The following FSD1L variants were observed in gnomAD, a reference collection of about 807,000 sequenced individuals.
The protein encoded by FSD1L is fibronectin type III and SPRY domain containing 1 like, also known as FSD1-like protein.
Under a neutral mutation model 71.6 loss-of-function variants are expected in FSD1L, and 45 were observed. The ratio of observed to expected loss-of-function variants is 0.63; its 90% CI spans 0.49 to 0.81. The LOEUF (loss-of-function observed/expected upper bound fraction) is 0.81, where lower values mean the gene tolerates loss of function less well. FSD1L is among the 30% of genes least tolerant of loss of function. The probability of loss-of-function intolerance (pLI) is 0.00; values close to 1 mark genes in which losing one functional copy is unlikely to be tolerated. For synonymous variants in FSD1L, 197 were observed against 207.2 expected, an observed-to-expected ratio of 0.95 and a Z score of 0.42; for missense variants, 561 against 618.1, an observed-to-expected ratio of 0.91 and a Z score of 0.98.
intron 5 of FSD1L, among the ~76,000 whole-genome samples, chr9:105,477,192 C>T (rs768721026): frequency 1.2e-4 from 18 of 152,024 alleles, no homozygotes; most frequent in East Asian, 1.9e-4. Context: ...GTTTAAAAAA[C>T]GGTAATCGTC....
intron 3 of FSD1L, among the ~76,000 whole-genome samples, chr9:105,465,053 T>C (rs947403170): frequency 1.3e-4 from 19 of 151,970 alleles, no homozygotes; most frequent in African/African-American, 3.4e-4. Flanking sequence ...AAATAAAAGG[T>C]AAAGTGCCCA....
At position 105,547,317 on chromosome 9, in the gene FSD1L, A is replaced by T. The variant is rs1223191167; in HGVS notation, c.*834A>T. 6.6e-6 allele frequency: 1 copy of T among 152,362 alleles called. No homozygotes were observed. The highest frequency in any genetic ancestry group is 1.5e-5 in the Non-Finnish European group (1 of 67,910). The allele number at this position is 152,362 out of a possible 1,614,324, so 9.4% of individuals were successfully genotyped here. A position where few individuals can be genotyped will look rare whatever the true frequency, so the allele number is the denominator to read the frequency against. ...TGTGTTTGGTAAAATTCCCACTTGA[A>T]TGTGACACTGATAATAATTATGCTG... On this transcript the variant is annotated 3_prime_UTR_variant, in exon 14 of 14. Transcript: ENST00000481272.
chr9:105,507,641 T>C (rs1183981954), intron 8 of FSD1L, among the ~76,000 whole-genome samples: 1 of 152,202 alleles, frequency 6.6e-6, no homozygotes, highest in Non-Finnish European at 1.5e-5. Flanking sequence ...CTTTACTTCC[T>C]CTTTAAATTC....
intron 2 of FSD1L, among the ~76,000 whole-genome samples, chr9:105,463,487 A>ATT (rs1009998732): frequency 2.0e-5 from 3 of 152,214 alleles, no homozygotes; most frequent in African/African-American, 7.2e-5. Context: ...AAACTTAATT[A>ATT]AAGTTGGAAA....
At chr9:105,524,817 A>C (rs556132396) in intron 10 of FSD1L, 2 of 1,589,296 alleles carry the variant, frequency 1.3e-6, no homozygotes, top group Admixed American at 3.3e-5. Context: ...CCATTATCCA[A>C]TGAGCGGTGG....
chr9:105,479,337 C>T lies in FSD1L; in HGVS notation c.442-17C>T, dbSNP rs1025288960. ...CACTAACTTGCCTTCTTTCTCTTCT[C>T]CCTGATTGGCTCCAAGGCTGCCAGA... On this transcript the variant is annotated splice_polypyrimidine_tract_variant and intron_variant, in intron 5 of 13. Transcript: ENST00000481272. The T allele has an allele frequency of 2.6e-6, 4 of 1,550,364 alleles. No individual in the cohort carries two copies. In the East Asian group the frequency reaches 7.3e-5, roughly 28 times the overall value.
intron 3 of FSD1L, among the ~76,000 whole-genome samples, chr9:105,465,715 A>G (rs915024860): frequency 6.6e-6 from 1 of 152,202 alleles, no homozygotes; most frequent in Non-Finnish European, 1.5e-5. Context: ...TCCTTTCATG[A>G]TAAAGACTCT....
At chr9:105,535,441 T>G in intron 12 of FSD1L, 123 bp downstream of exon 12, 1 of 979,626 alleles carries the variant, frequency 1.0e-6, no homozygotes, top group Non-Finnish European at 1.5e-6. Flanking sequence ...TCAGGTAGGC[T>G]TTTGATTGCA....
rs1475721423 is a variant in FSD1L, at chr9:105,479,344, T to G, written c.442-10T>G. ...TTGCCTTCTTTCTCTTCTCCCTGAT[T>G]GGCTCCAAGGCTGCCAGACAGATCA... On this transcript the variant is annotated splice_polypyrimidine_tract_variant and intron_variant, in intron 5 of 13. Coordinates refer to ENST00000481272, the MANE Select transcript of FSD1L (RefSeq NM_001145313.3). 1 of 1,550,694 alleles carries G rather than the reference T, an allele frequency of 6.4e-7. No individual in the cohort carries two copies. Among genetic ancestry groups the G allele is most frequent in the East Asian group, 2.4e-5 (1 of 40,854 alleles).
intron 13 of FSD1L, among the ~76,000 whole-genome samples, chr9:105,544,001 TC>T (rs1589118752): frequency 6.6e-6 from 1 of 152,216 alleles, no homozygotes; most frequent in East Asian, 1.9e-4. Context: ...CCCTGAGGAA[TC>T]GCCACACTGT....
At chr9:105,447,784 C>T (rs573121963), upstream of FSD1L, 38 of 254,356 alleles carry the variant, frequency 1.5e-4, no homozygotes, top group Middle Eastern at 2.7e-3. Context: ...CCGTCTCCAG[C>T]ACCAGATACT....
intron 7 of FSD1L, among the ~76,000 whole-genome samples, chr9:105,494,989 C>G (rs572278797): frequency 1.3e-5 from 2 of 152,326 alleles, no homozygotes; most frequent in East Asian, 3.9e-4. Flanking sequence ...TGCCTGTTCT[C>G]AGATCTCCAG....
intron 1 of FSD1L, among the ~76,000 whole-genome samples, chr9:105,456,275 G>T (rs1366181476): frequency 1.3e-5 from 2 of 152,148 alleles, no homozygotes; most frequent in African/African-American, 2.4e-5. Flanking sequence ...TGACATATTA[G>T]CTTTGATATT....
chr9:105,545,202 G>T (rs1836909554), intron 13 of FSD1L, among the ~76,000 whole-genome samples: 4 of 147,850 alleles, frequency 2.7e-5, no homozygotes, highest in African/African-American at 7.8e-5. Context: ...GTGAATGGGA[G>T]TTCACTCATG....
chr9:105,467,896 G>A (rs886103880), intron 3 of FSD1L, among the ~76,000 whole-genome samples: 1 of 152,188 alleles, frequency 6.6e-6, no homozygotes, highest in African/African-American at 2.4e-5. Flanking sequence ...AGTTGGGAAC[G>A]TTAAAACAAC....
At chr9:105,458,466 T>A (rs576476241) in intron 1 of FSD1L, among the ~76,000 whole-genome samples, 1 of 152,078 alleles carries the variant, frequency 6.6e-6, no homozygotes, top group Admixed American at 6.6e-5. Context: ...AGCAAGGCAG[T>A]GGAGAGTTTT....
intron 1 of FSD1L, 102 bp from the exon 2 acceptor site, chr9:105,461,417 AT>A (rs1278411260): frequency 1.4e-5 from 7 of 503,938 alleles, no homozygotes; most frequent in Non-Finnish European, 2.4e-5. Flanking sequence ...ATGATAATAT[AT>A]TTTGAATCTA....
At chr9:105,500,005 C>A (rs925619285) in intron 7 of FSD1L, among the ~76,000 whole-genome samples, 3 of 152,082 alleles carry the variant, frequency 2.0e-5, no homozygotes, top group African/African-American at 7.2e-5. Flanking sequence ...TGCTTTTTAT[C>A]TTTAGCCTTT....
chr9:105,522,033 C>T (rs1835199878), intron 10 of FSD1L: 1 of 1,612,960 alleles, frequency 6.2e-7, no homozygotes, highest in South Asian at 1.1e-5. Context: ...GGAATCTGTA[C>T]TGAAGATGCC....
Sources: gnomAD v4.1 joint callset for allele counts (sites outside exome capture counted in the v4.1 genomes callset) on GRCh38, gnomAD v4.1.1 for gene constraint, MANE v1.5 for transcripts, NCBI Gene and HGNC (gene_info 2026-07-23, HGNC 2026-07-21) for gene names.